KHDRBS2: variants seen among roughly 807,000 people sequenced by gnomAD.
KHDRBS2 encodes KH domain-containing, RNA-binding, signal transduction-associated protein 2.
In KHDRBS2, 26 loss-of-function variants were observed where a neutral mutation model predicts 44.3. That is an observed-to-expected ratio of 0.59 (90% CI 0.43 to 0.81). The LOEUF (loss-of-function observed/expected upper bound fraction) is 0.81, where lower values mean the gene tolerates loss of function less well. Among genes scored for constraint, KHDRBS2 ranks in the 40% least tolerant of loss-of-function variants. The pLI is 0.00. For synonymous variants in KHDRBS2, 194 were observed against 151.1 expected (o/e 1.28, Z -2.08); for missense variants, 476 against 433.1 (o/e 1.10, Z -0.88).
intron 1 of KHDRBS2, among the ~76,000 whole-genome samples, chr6:62,255,064 A>G (rs1311686908): frequency 2.0e-5 from 3 of 152,086 alleles, no homozygotes; most frequent in Non-Finnish European, 4.4e-5. Flanking sequence ...AACTCTGCTC[A>G]AGATCATGCA....
At chr6:61,911,134 G>A (rs1410140981) in intron 4 of KHDRBS2, among the ~76,000 whole-genome samples, 1 of 152,126 alleles carries the variant, frequency 6.6e-6, no homozygotes, top group East Asian at 1.9e-4. Context: ...GAGGTTGATA[G>A]GATATAGGTC....
At chr6:62,141,948 G>A (rs1375640957) in intron 2 of KHDRBS2, among the ~76,000 whole-genome samples, 5 of 151,908 alleles carry the variant, frequency 3.3e-5, no homozygotes. Context: ...ACTATATGAA[G>A]GCAAAAATAT....
At chr6:62,187,488 A>G (rs1823681873) in intron 1 of KHDRBS2, among the ~76,000 whole-genome samples, 1 of 152,190 alleles carries the variant, frequency 6.6e-6, no homozygotes, top group South Asian at 2.1e-4. Context: ...TAGGTAAATT[A>G]TAATGTAATT....
intron 4 of KHDRBS2, among the ~76,000 whole-genome samples, chr6:61,913,791 G>T (rs1162662860): frequency 6.6e-6 from 1 of 152,044 alleles, no homozygotes; most frequent in Non-Finnish European, 1.5e-5. Flanking sequence ...AAAGGAGTCT[G>T]TCATGTGTGG....
At chr6:61,985,934 C>A (rs931224729) in intron 3 of KHDRBS2, among the ~76,000 whole-genome samples, 3 of 151,950 alleles carry the variant, frequency 2.0e-5, no homozygotes, top group Admixed American at 1.3e-4. Context: ...GACTTTCCTG[C>A]ATATTTTATG....
chr6:61,773,731 T>G (rs1781426932), intron 6 of KHDRBS2, among the ~76,000 whole-genome samples: 2 of 151,916 alleles, frequency 1.3e-5, no homozygotes, highest in African/African-American at 4.8e-5. Flanking sequence ...GCCTATGTCC[T>G]GAATGGTAAT....
intron 1 of KHDRBS2, among the ~76,000 whole-genome samples, chr6:62,246,266 C>T (rs1835558730): frequency 6.6e-6 from 1 of 151,600 alleles, no homozygotes; most frequent in Non-Finnish European, 1.5e-5. Flanking sequence ...AAAGAGGATA[C>T]AGGCAAGTTC....
chr6:62,188,888 T>C (rs1177153233), intron 1 of KHDRBS2, among the ~76,000 whole-genome samples: 4 of 152,026 alleles, frequency 2.6e-5, no homozygotes, highest in Non-Finnish European at 5.9e-5. Flanking sequence ...CAGAGGCAGG[T>C]GGATCACTTG....
At chr6:62,276,470 A>G (rs1356247195) in intron 1 of KHDRBS2, among the ~76,000 whole-genome samples, 1 of 152,184 alleles carries the variant, frequency 6.6e-6, no homozygotes, top group Non-Finnish European at 1.5e-5. Flanking sequence ...AGCAAACCAC[A>G]CAAAATTATC....
chr6:61,648,972 TA>T, the KHDRBS2 span, among the ~76,000 whole-genome samples: 41 of 152,124 alleles, frequency 2.7e-4, no homozygotes, highest in Non-Finnish European at 8.8e-5. Flanking sequence ...CTCCAGGGTA[TA>T]TCTTTCTGAG....
chr6:62,211,721 G>C (rs1297400391), intron 1 of KHDRBS2, among the ~76,000 whole-genome samples: 1 of 152,192 alleles, frequency 6.6e-6, no homozygotes, highest in African/African-American at 2.4e-5. Flanking sequence ...ATGTAAATTA[G>C]TTCAACCATT....
At chr6:61,890,004 C>T (rs1016404117) in intron 6 of KHDRBS2, among the ~76,000 whole-genome samples, 1 of 152,168 alleles carries the variant, frequency 6.6e-6, no homozygotes, top group African/African-American at 2.4e-5. Flanking sequence ...TCCCTAACTG[C>T]CCATTTTCTG....
chr6:62,054,288 G>A (rs965857809), intron 2 of KHDRBS2, among the ~76,000 whole-genome samples: 3 of 152,048 alleles, frequency 2.0e-5, no homozygotes, highest in Non-Finnish European at 4.4e-5. Flanking sequence ...ATAAACCTGT[G>A]TTAATTATGA....
intron 2 of KHDRBS2, among the ~76,000 whole-genome samples, chr6:62,164,725 C>T (rs1818322190): frequency 6.6e-6 from 1 of 151,784 alleles, no homozygotes; most frequent in African/African-American, 2.4e-5. Context: ...AAGTCTGTGC[C>T]TTTGTGATAT....
chr6:61,673,492 T>G, the KHDRBS2 span, among the ~76,000 whole-genome samples: 1 of 149,898 alleles, frequency 6.7e-6, no homozygotes, highest in African/African-American at 2.4e-5. Context: ...TTGTCCCTGT[T>G]TGCAGACGAC....
chr6:61,615,126 G>C, the KHDRBS2 span, among the ~76,000 whole-genome samples: 11 of 149,328 alleles, frequency 7.4e-5, no homozygotes, highest in Admixed American at 7.4e-4. Flanking sequence ...CCAGCTACTC[G>C]GGAGGCTGAG....
At chr6:61,573,617 C>T in the KHDRBS2 span, among the ~76,000 whole-genome samples, 15 of 152,090 alleles carry the variant, frequency 9.9e-5, no homozygotes, top group Non-Finnish European at 5.9e-5. Context: ...TGGAGAAACC[C>T]TGTCTCTACT....
chr6:62,077,690 C>A (rs374705236), intron 2 of KHDRBS2, among the ~76,000 whole-genome samples: 2 of 151,962 alleles, frequency 1.3e-5, no homozygotes, highest in Non-Finnish European at 2.9e-5. Context: ...ATTGAACTAC[C>A]GCAGCAACTG....
At chr6:61,743,555 A>C (rs531447818) in intron 6 of KHDRBS2, among the ~76,000 whole-genome samples, 1 of 152,292 alleles carries the variant, frequency 6.6e-6, no homozygotes, top group East Asian at 1.9e-4. Flanking sequence ...GTACTGAAGA[A>C]AAATGAAAAA....
Sources: gnomAD v4.1 joint callset for allele counts (sites outside exome capture counted in the v4.1 genomes callset) on GRCh38, gnomAD v4.1.1 for gene constraint, MANE v1.5 for transcripts, NCBI Gene and HGNC (gene_info 2026-07-23, HGNC 2026-07-21) for gene names.